ZNF148: variants seen among roughly 807,000 people sequenced by gnomAD.
The protein encoded by ZNF148 is zinc finger protein 148, also known as Beta-Enolase Repressor Factor-1.
In ZNF148, 7 loss-of-function variants were observed where a neutral mutation model predicts 67.7. The observed-to-expected ratio is 0.10, with a 90% CI of 0.06 to 0.19. ZNF148 has a LOEUF of 0.19. Among genes scored for constraint, ZNF148 ranks in the 10% least tolerant of loss-of-function variants. The pLI, the probability that ZNF148 is intolerant of heterozygous loss-of-function variation, is 1.00. For missense variants in ZNF148, 583 were observed against 947.1 expected, an observed-to-expected ratio of 0.62 and a Z score of 5.05; for synonymous variants, 333 against 330.7, an observed-to-expected ratio of 1.01 and a Z score of -0.08.
rs62270332 is a variant in ZNF148 at position 125,283,558 on chromosome 3, T to G, written c.460-4311A>C. Among the ~76,000 whole-genome samples the G allele has an allele frequency of 5.4e-3, 815 of 152,242 alleles. 6 individuals carry two copies. Among genetic ancestry groups the G allele is most frequent in the Non-Finnish European group, 9.2e-3 (624 of 67,980 alleles). ...AAAACAATTTATACAAGACACACAA[T>G]TTCCTGGGAAAATTAGATAAATAAA... On this transcript the variant is annotated intron_variant, in intron 5 of 8. Coordinates refer to ENST00000360647, the MANE Select transcript of ZNF148 (RefSeq NM_021964.3).
At chr3:125,294,831 T>C (rs1441065291) in intron 4 of ZNF148, among the ~76,000 whole-genome samples, 3 of 152,162 alleles carry the variant, frequency 2.0e-5, no homozygotes, top group Non-Finnish European at 4.4e-5. Context: ...AACCAAAGTC[T>C]TCTGAATCCA....
intron 1 of ZNF148, among the ~76,000 whole-genome samples, chr3:125,352,468 G>A (rs1284597098): frequency 2.0e-5 from 3 of 152,068 alleles, no homozygotes; most frequent in African/African-American, 4.8e-5. Context: ...TATGCTGATG[G>A]CTGTATGCCT....
At chr3:125,329,648 G>A (rs538428205) in intron 2 of ZNF148, among the ~76,000 whole-genome samples, 3 of 151,572 alleles carry the variant, frequency 2.0e-5, no homozygotes, top group South Asian at 4.2e-4. Flanking sequence ...ATGAGCGATC[G>A]CGCCTAGCCA....
chr3:125,301,566 A>C (rs1939588666), intron 4 of ZNF148, among the ~76,000 whole-genome samples: 1 of 152,200 alleles, frequency 6.6e-6, no homozygotes, highest in South Asian at 2.1e-4. Context: ...GAACTAACCA[A>C]AATAAGTTAA....
chr3:125,351,862 A>T (rs1942164945), intron 1 of ZNF148, among the ~76,000 whole-genome samples: 1 of 152,220 alleles, frequency 6.6e-6, no homozygotes, highest in Admixed American at 6.5e-5. Context: ...CACACCCACC[A>T]GCATAGCTAT....
chr3:125,338,899 T>C (rs1941605835), intron 1 of ZNF148: 1 of 152,092 alleles, frequency 6.6e-6, no homozygotes, highest in South Asian at 2.1e-4. Flanking sequence ...CTGAACACAA[T>C]GTAGAGGTGT....
chr3:125,270,065 T>A (rs1461666849), intron 7 of ZNF148, among the ~76,000 whole-genome samples: 1 of 152,092 alleles, frequency 6.6e-6, no homozygotes, highest in Non-Finnish European at 1.5e-5. Context: ...AATCATGCAA[T>A]ATCCCCTTGT....
intron 7 of ZNF148, among the ~76,000 whole-genome samples, chr3:125,235,244 A>G (rs760580687): frequency 6.6e-6 from 1 of 152,238 alleles, no homozygotes; most frequent in Non-Finnish European, 1.5e-5. Context: ...TATAAGACAT[A>G]CTACTTGTCT....
chr3:125,318,997 C>T (rs1289150203), intron 3 of ZNF148, among the ~76,000 whole-genome samples: 1 of 152,062 alleles, frequency 6.6e-6, no homozygotes, highest in Non-Finnish European at 1.5e-5. Context: ...TCCCTGCTCC[C>T]ACTCCCAACC....
At chr3:125,254,465 T>TA (rs1936983536) in intron 7 of ZNF148, among the ~76,000 whole-genome samples, 1 of 152,226 alleles carries the variant, frequency 6.6e-6, no homozygotes, top group Non-Finnish European at 1.5e-5. Flanking sequence ...TGATTATTGA[T>TA]AAACACATTA....
chr3:125,345,693 T>C (rs1035270672), intron 1 of ZNF148, among the ~76,000 whole-genome samples: 3 of 152,002 alleles, frequency 2.0e-5, no homozygotes, highest in African/African-American at 7.2e-5. Context: ...AAGGGAATAT[T>C]ACAAACAATT....
At position 125,268,205 on chromosome 3, in the gene ZNF148, T is replaced by C. The variant is rs1174148677; in HGVS notation, c.667+9521A>G. On this transcript the variant is annotated intron_variant, in intron 7 of 8. Coordinates refer to ENST00000360647, the MANE Select transcript of ZNF148 (RefSeq NM_021964.3). ...CTACTAATATCATTTTTCACAGACA[T>C]AGAAAAAACTATTCTAAAATTTATA... 3.3e-5 allele frequency among the ~76,000 whole-genome samples: 4 copies of C among 120,028 alleles called. No homozygotes were observed. The East Asian group carries it at 6.5e-4, about 19-fold the overall frequency. The allele number at this position is 120,028 out of a possible 152,430, so 78.7% of individuals were successfully genotyped here.
intron 6 of ZNF148, among the ~76,000 whole-genome samples, chr3:125,278,114 C>T (rs1274328687): frequency 2.0e-5 from 3 of 152,100 alleles, no homozygotes; most frequent in African/African-American, 7.2e-5. Flanking sequence ...GAAAGAAATA[C>T]AGGTTCTCAC....
chr3:125,369,036 C>A (rs1263155034), intron 1 of ZNF148, among the ~76,000 whole-genome samples: 2 of 147,400 alleles, frequency 1.4e-5, no homozygotes, highest in Admixed American at 1.3e-4. Flanking sequence ...CTAAGGCAGG[C>A]AGATCACCTG....
chr3:125,233,469 C>T lies in ZNF148; in HGVS notation c.1257G>A (p.Glu419=). 2.5e-6 allele frequency: 4 copies of T among 1,613,908 alleles called. No homozygotes were observed. Among genetic ancestry groups the T allele is most frequent in the Non-Finnish European group, 3.4e-6 (4 of 1,179,922 alleles). ...QTISPLSTYE[E]SKVSKYAFEL... ...CAAAAGCATACTTTGAAACTTTGCT[C>T]TCTTCATATGTGGATAAAGGTGAAA... The change falls in exon 9 of 9, where the codon GAG becomes GAA. Residue 419 remains glutamate, a synonymous_variant. Coordinates refer to ENST00000360647, the MANE Select transcript of ZNF148 (RefSeq NM_021964.3). This position sits in a 1 kb window ranked among gnomAD's most constrained non-coding sequence, Gnocchi z 5.1.
chr3:125,299,145 A>G (rs984806929), intron 4 of ZNF148, among the ~76,000 whole-genome samples: 6 of 152,208 alleles, frequency 3.9e-5, no homozygotes, highest in Non-Finnish European at 8.8e-5. Context: ...TAGTCCTTTT[A>G]TAATAAAATG....
chr3:125,299,387 G>A (rs1026531345), intron 4 of ZNF148, among the ~76,000 whole-genome samples: 17 of 152,160 alleles, frequency 1.1e-4, no homozygotes, highest in East Asian at 1.9e-4. Context: ...GCTGGAAACC[G>A]GCTGTGGTGA....
chr3:125,238,222 T>C (rs2107521876), intron 7 of ZNF148, among the ~76,000 whole-genome samples: 1 of 152,286 alleles, frequency 6.6e-6, no homozygotes, highest in African/African-American at 2.4e-5. Context: ...TGACCTTAGT[T>C]AGGCAATGGT....
intron 7 of ZNF148, among the ~76,000 whole-genome samples, chr3:125,239,500 C>T (rs1337520568): frequency 2.0e-5 from 3 of 152,120 alleles, no homozygotes; most frequent in African/African-American, 2.4e-5. Context: ...TTCACACCCA[C>T]GAGGATGGCT....
Sources: allele counts gnomAD v4.1 joint callset (sites outside exome capture counted in the v4.1 genomes callset), GRCh38; gene constraint gnomAD v4.1.1; non-coding constraint Gnocchi (gnomAD v3.1); transcripts MANE v1.5; gene names NCBI Gene and HGNC (gene_info 2026-07-23, HGNC 2026-07-21).